Variants in LINGO2 observed in about 807,000 individuals in gnomAD.
LINGO2 encodes leucine-rich repeat and immunoglobulin-like domain-containing nogo receptor-interacting protein 2.
LINGO2 carries 14 observed loss-of-function variants against 30.6 expected under a neutral mutation model. The observed-to-expected ratio is 0.46, with a 90% CI of 0.30 to 0.72. The LOEUF (loss-of-function observed/expected upper bound fraction) is 0.72. Ranked by LOEUF, LINGO2 falls within the 30% of genes least tolerant of loss-of-function variation. The probability of loss-of-function intolerance (pLI) is 0.07; values close to 1 mark genes in which losing one functional copy is unlikely to be tolerated. For synonymous variants in LINGO2, 317 were observed against 288.5 expected (o/e 1.10, Z -1.00); for missense variants, 729 against 751.7 (o/e 0.97, Z 0.35).
intron 4 of LINGO2, among the ~76,000 whole-genome samples, chr9:28,158,085 T>C (rs1431658369): frequency 2.0e-5 from 3 of 152,138 alleles, no homozygotes; most frequent in Non-Finnish European, 4.4e-5. Context: ...ATTTACTATA[T>C]TAGTCCATTT....
intron 3 of LINGO2, among the ~76,000 whole-genome samples, chr9:28,299,679 G>C (rs1385705926): frequency 6.6e-6 from 1 of 152,042 alleles, no homozygotes; most frequent in Non-Finnish European, 1.5e-5. Context: ...CAAGGATATA[G>C]AGCCTTTGAA....
At chr9:28,357,982 T>C (rs779321508) in intron 3 of LINGO2, among the ~76,000 whole-genome samples, 11 of 152,264 alleles carry the variant, frequency 7.2e-5, no homozygotes, top group Admixed American at 2.6e-4. Flanking sequence ...ATTAAGACTT[T>C]AAAAAGTTAC....
At chr9:28,910,730 G>C in the LINGO2 span, among the ~76,000 whole-genome samples, 24 of 152,096 alleles carry the variant, frequency 1.6e-4, no homozygotes, top group East Asian at 4.6e-3. Flanking sequence ...AGCCTGTACA[G>C]CCTGAAGAAC....
the LINGO2 span, among the ~76,000 whole-genome samples, chr9:29,075,834 T>C: frequency 1.3e-5 from 2 of 152,144 alleles, no homozygotes; most frequent in Non-Finnish European, 2.9e-5. Context: ...ATCTAATTAA[T>C]GCAGTGGTAG....
chr9:28,943,742 T>G, the LINGO2 span, among the ~76,000 whole-genome samples: 1 of 152,160 alleles, frequency 6.6e-6, no homozygotes, highest in Admixed American at 6.5e-5. Context: ...ATAACAGGGC[T>G]GGTGATGGAT....
At chr9:29,006,121 G>A in the LINGO2 span, among the ~76,000 whole-genome samples, 1 of 151,190 alleles carries the variant, frequency 6.6e-6, no homozygotes, top group African/African-American at 2.4e-5. Context: ...ATCTAGTATA[G>A]TGCCTAGCAA....
At chr9:29,188,872 G>A in the LINGO2 span, among the ~76,000 whole-genome samples, 10 of 146,610 alleles carry the variant, frequency 6.8e-5, no homozygotes, top group Admixed American at 1.3e-4. Flanking sequence ...GCGGCTGGCC[G>A]GGCAGAGGGG....
chr9:28,606,639 T>C (rs1038199621), intron 1 of LINGO2, among the ~76,000 whole-genome samples: 1 of 152,066 alleles, frequency 6.6e-6, no homozygotes, highest in Non-Finnish European at 1.5e-5. Flanking sequence ...GTAAAATTTG[T>C]TACTCTTAAA....
chr9:27,968,876 A>G (rs1385384967), intron 5 of LINGO2, among the ~76,000 whole-genome samples: 1 of 151,624 alleles, frequency 6.6e-6, no homozygotes, highest in African/African-American at 2.4e-5. Flanking sequence ...ATAATTGTAT[A>G]TAAAATTATA....
chr9:29,140,271 A>C, the LINGO2 span, among the ~76,000 whole-genome samples: 2 of 152,080 alleles, frequency 1.3e-5, no homozygotes, highest in Admixed American at 1.3e-4. Context: ...CAAAGGATTC[A>C]AAATAGCTAT....
the LINGO2 span, among the ~76,000 whole-genome samples, chr9:28,814,994 T>TAG: frequency 6.6e-6 from 1 of 152,162 alleles, no homozygotes; most frequent in South Asian, 2.1e-4. Flanking sequence ...TCTAAAAAGC[T>TAG]AGAGAGAGAG....
intron 5 of LINGO2, among the ~76,000 whole-genome samples, chr9:27,957,186 A>T (rs1819614220): frequency 6.6e-6 from 1 of 152,198 alleles, no homozygotes; most frequent in South Asian, 2.1e-4. Context: ...AGTTGACCGT[A>T]TATGCACATC....
chr9:28,522,873 C>A (rs1290611828), intron 1 of LINGO2, among the ~76,000 whole-genome samples: 3 of 150,554 alleles, frequency 2.0e-5, no homozygotes, highest in East Asian at 3.9e-4. Context: ...GACAAGGAAC[C>A]TGTAGAAATC....
chr9:29,163,914 C>A, the LINGO2 span, among the ~76,000 whole-genome samples: 1 of 152,092 alleles, frequency 6.6e-6, no homozygotes, highest in East Asian at 1.9e-4. Flanking sequence ...TCTATTTCCC[C>A]ACCTGGTGTA....
At position 28,592,567 on chromosome 9, in the gene LINGO2, C is replaced by T. The variant is rs868770708; in HGVS notation, c.-365+77633G>A. The stretch of plus-strand genomic sequence containing the variant: ...TTGAAGCACAGCTGAATAAATGGTG[C>T]CTCTCTCAGCAAGGCATCTACATAG... On this transcript the variant is annotated intron_variant, in intron 1 of 5. Coordinates refer to ENST00000379992, the Ensembl canonical transcript of LINGO2. 1.4e-3 allele frequency among the ~76,000 whole-genome samples: 217 copies of T among 152,134 alleles called. 3 individuals carry two copies. Among genetic ancestry groups the T allele is most frequent in the African/African-American group, 5.0e-3 (207 of 41,516 alleles).
chr9:28,034,312 T>G (rs1326439183), intron 4 of LINGO2, among the ~76,000 whole-genome samples: 1 of 152,210 alleles, frequency 6.6e-6, no homozygotes, highest in Non-Finnish European at 1.5e-5. Context: ...TTCTTTCTTT[T>G]CGGAATTCTG....
chr9:28,745,620 A>G, the LINGO2 span, among the ~76,000 whole-genome samples: 2 of 152,076 alleles, frequency 1.3e-5, no homozygotes, highest in Non-Finnish European at 2.9e-5. Flanking sequence ...TTTAAAAGGT[A>G]TGTTTAAATA....
chr9:28,208,742 A>C (rs1238935277), intron 4 of LINGO2, among the ~76,000 whole-genome samples: 3 of 151,970 alleles, frequency 2.0e-5, no homozygotes, highest in Non-Finnish European at 2.9e-5. Flanking sequence ...TCTCTTCATT[A>C]ACCTATGTAC....
chr9:28,294,376 G>A lies in LINGO2; in HGVS notation c.-87+832C>T, dbSNP rs150392207. 4.1e-3 allele frequency among the ~76,000 whole-genome samples: 628 copies of A among 152,128 alleles called. 6 individuals are homozygous for A. The highest frequency in any genetic ancestry group is 0.014 in the African/African-American group (593 of 41,518). On this transcript the variant is annotated intron_variant, in intron 4 of 5. Transcript: ENST00000379992. ...AAAGGAATTTTACATACTTTTTTCC[G>A]TTTCTATACTTGAACTTAAAGAAAA...
Sources: gnomAD v4.1 joint callset for allele counts (sites outside exome capture counted in the v4.1 genomes callset) on GRCh38, gnomAD v4.1.1 for gene constraint, MANE v1.5 for transcripts, NCBI Gene and HGNC (gene_info 2026-07-23, HGNC 2026-07-21) for gene names.